The following FHIT variants were observed in gnomAD, a reference collection of about 807,000 sequenced individuals.
FHIT encodes bis(5'-adenosyl)-triphosphatase.
Under a neutral mutation model 17.9 loss-of-function variants are expected in FHIT, and 19 were observed. That is an observed-to-expected ratio of 1.06 (90% CI 0.74 to 1.56). FHIT has a LOEUF of 1.56. Ranked by LOEUF, FHIT falls within the 40% of genes most tolerant of loss-of-function variation. The probability of loss-of-function intolerance (pLI) is 0.00; values close to 1 mark genes in which losing one functional copy is unlikely to be tolerated. For missense variants in FHIT, 248 were observed against 189.2 expected (o/e 1.31, Z -1.82); for synonymous variants, 81 against 69.7 (o/e 1.16, Z -0.81).
chr3:59,843,196 C>A (rs143902999), intron 8 of FHIT, among the ~76,000 whole-genome samples: 124 of 152,248 alleles, frequency 8.1e-4, no homozygotes, highest in African/African-American at 2.6e-3. Flanking sequence ...ATCATCTTGG[C>A]ACTCTTGTCA....
chr3:61,178,837 T>C (rs1054185446), intron 2 of FHIT, among the ~76,000 whole-genome samples: 2 of 151,878 alleles, frequency 1.3e-5, no homozygotes, highest in African/African-American at 4.8e-5. Flanking sequence ...TGGCTGACAG[T>C]CAGTAATAAT....
At chr3:60,709,929 T>C (rs1220805395) in intron 4 of FHIT, among the ~76,000 whole-genome samples, 1 of 152,196 alleles carries the variant, frequency 6.6e-6, no homozygotes, top group Non-Finnish European at 1.5e-5. Flanking sequence ...GCTTCTTTCA[T>C]GCAGAAAAAT....
chr3:61,230,686 C>T (rs1174493925), intron 1 of FHIT, among the ~76,000 whole-genome samples: 1 of 152,092 alleles, frequency 6.6e-6, no homozygotes, highest in Non-Finnish European at 1.5e-5. Context: ...TGTTTTTAAC[C>T]AGTACCTAGC....
chr3:59,979,284 T>G (rs1213527584), intron 7 of FHIT, among the ~76,000 whole-genome samples: 1 of 152,152 alleles, frequency 6.6e-6, no homozygotes, highest in Non-Finnish European at 1.5e-5. Flanking sequence ...ACAGGTTGTT[T>G]GTACAGTTAG....
chr3:60,947,501 T>C (rs1318106456), intron 3 of FHIT, among the ~76,000 whole-genome samples: 2 of 152,248 alleles, frequency 1.3e-5, no homozygotes, highest in Admixed American at 6.5e-5. Context: ...TCTTGCTGTT[T>C]GCATTTCTAT....
chr3:60,980,259 C>T (rs62268667), intron 3 of FHIT, among the ~76,000 whole-genome samples: 33,859 of 152,070 alleles, frequency 0.22, 4,214 homozygotes, highest in African/African-American at 0.34. Context: ...AAAATAAACA[C>T]AACATCTTTT....
Position 60,474,603 on chromosome 3 carries a change from T to A in FHIT, c.103+62257A>T, listed in dbSNP as rs917171493. 2.0e-5 allele frequency among the ~76,000 whole-genome samples: 3 copies of A among 152,202 alleles called. No homozygotes were observed. The South Asian group carries it at 6.2e-4, about 32-fold the overall frequency. ...AGCTTAGGAGGCTCATTTTCACAAA[T>A]GTATTATTTTCAACACAATACAATT... is the stretch of plus-strand genomic sequence containing the variant. On this transcript the variant is annotated intron_variant, in intron 5 of 9. Transcript: ENST00000492590.
intron 1 of FHIT, among the ~76,000 whole-genome samples, chr3:61,210,141 G>C (rs959873455): frequency 1.3e-5 from 2 of 152,178 alleles, no homozygotes; most frequent in African/African-American, 4.8e-5. Flanking sequence ...TTGATGAACC[G>C]CAAATGCTAC....
intron 5 of FHIT, among the ~76,000 whole-genome samples, chr3:60,161,831 G>C (rs929428472): frequency 1.3e-5 from 2 of 152,132 alleles, no homozygotes; most frequent in Admixed American, 6.5e-5. Context: ...AAATCAATGT[G>C]CATCAGGCTC....
At chr3:60,684,184 G>A (rs1480751614) in intron 4 of FHIT, among the ~76,000 whole-genome samples, 2 of 152,036 alleles carry the variant, frequency 1.3e-5, no homozygotes, top group African/African-American at 2.4e-5. Flanking sequence ...TCCCTCCAGA[G>A]GCTCTAGGAG....
intron 7 of FHIT, among the ~76,000 whole-genome samples, chr3:59,991,142 C>T (rs1001908080): frequency 2.0e-5 from 3 of 151,968 alleles, no homozygotes; most frequent in African/African-American, 7.2e-5. Context: ...CAGAATTAGG[C>T]CATGTGTGAC....
chr3:61,103,209 C>G (rs992731378), intron 2 of FHIT, among the ~76,000 whole-genome samples: 2 of 152,340 alleles, frequency 1.3e-5, no homozygotes, highest in South Asian at 4.1e-4. Flanking sequence ...AAATTTCACT[C>G]TACACACTGC....
chr3:60,707,347 T>A (rs1296736400), intron 4 of FHIT, among the ~76,000 whole-genome samples: 1 of 152,190 alleles, frequency 6.6e-6, no homozygotes, highest in African/African-American at 2.4e-5. Context: ...GCATATATTC[T>A]CTCTCTGCCT....
chr3:59,914,318 G>A (rs191279936), intron 8 of FHIT, among the ~76,000 whole-genome samples: 17 of 152,074 alleles, frequency 1.1e-4, no homozygotes, highest in Admixed American at 3.9e-4. Context: ...AATGGTAGAC[G>A]TCACCCCGCA....
chr3:60,701,396 G>T (rs926310226), intron 4 of FHIT, among the ~76,000 whole-genome samples: 4 of 152,098 alleles, frequency 2.6e-5, no homozygotes, highest in African/African-American at 9.7e-5. Flanking sequence ...TGGGAGACGG[G>T]AGTTTTATTA....
chr3:60,077,729 C>CAT (rs1403752107), intron 5 of FHIT, among the ~76,000 whole-genome samples: 1 of 67,188 alleles, frequency 1.5e-5, no homozygotes, highest in Non-Finnish European at 3.7e-5. Context: ...CACACACACA[C>CAT]ATATATAGAG....
In FHIT at chr3:60,566,412, T is replaced by C. The variant is rs541024809; in HGVS notation, c.-17-29433A>G. 4.6e-5 allele frequency among the ~76,000 whole-genome samples: 7 copies of C among 152,274 alleles called. 1 individual carries two copies. The South Asian group carries it at 1.2e-3, about 27-fold the overall frequency. On this transcript the variant is annotated intron_variant, in intron 4 of 9. Transcript: ENST00000492590. The stretch of plus-strand genomic sequence containing the variant: ...GGCCTTTGACAAAATTCAACAACGC[T>C]TCATGCTAAAAACTCTCAATAAATG...
intron 5 of FHIT, among the ~76,000 whole-genome samples, chr3:60,520,724 G>A (rs1298226246): frequency 2.6e-5 from 4 of 152,104 alleles, no homozygotes; most frequent in Admixed American, 6.5e-5. Flanking sequence ...AATGTTGTGG[G>A]TGGAGGAGCG....
intron 3 of FHIT, among the ~76,000 whole-genome samples, chr3:60,972,613 T>C (rs1038859149): frequency 6.6e-6 from 1 of 152,082 alleles, no homozygotes; most frequent in African/African-American, 2.4e-5. Context: ...TATTCATTAA[T>C]TTTGGAAAAT....
Sources: gnomAD v4.1 joint callset for allele counts (sites outside exome capture counted in the v4.1 genomes callset) on GRCh38, gnomAD v4.1.1 for gene constraint, MANE v1.5 for transcripts, NCBI Gene and HGNC (gene_info 2026-07-23, HGNC 2026-07-21) for gene names.